The following SLC7A11 variants were observed in gnomAD, a reference collection of about 807,000 sequenced individuals.
SLC7A11 encodes solute carrier family 7 member 11.
SLC7A11 carries 35 observed loss-of-function variants against 54.5 expected under a neutral mutation model. That is an observed-to-expected ratio of 0.64 (90% confidence interval 0.49 to 0.85). The LOEUF is 0.85. SLC7A11 is among the 40% of genes least tolerant of loss of function. The pLI is 0.00. For synonymous variants in SLC7A11, 230 were observed against 225.2 expected, an observed-to-expected ratio of 1.02 and a Z score of -0.19; for missense variants, 583 against 618.1, an observed-to-expected ratio of 0.94 and a Z score of 0.60.
At chr4:138,203,089 A>T (rs1488243416) in intron 6 of SLC7A11, among the ~76,000 whole-genome samples, 1 of 152,136 alleles carries the variant, frequency 6.6e-6, no homozygotes, top group African/African-American at 2.4e-5. Flanking sequence ...GACTTCCTTT[A>T]CCTTAAAAGT....
intron 6 of SLC7A11, among the ~76,000 whole-genome samples, chr4:138,191,823 T>G (rs4863769): frequency 0.37 from 55,713 of 151,606 alleles, 10,651 homozygotes; most frequent in Middle Eastern, 0.51. Context: ...GACTTAGAGT[T>G]TGTCTTCCAG....
At chr4:138,220,992 A>G (rs563576288) in intron 4 of SLC7A11, among the ~76,000 whole-genome samples, 6 of 152,310 alleles carry the variant, frequency 3.9e-5, no homozygotes, top group African/African-American at 1.4e-4. Context: ...AGAAATGCCC[A>G]TTTTACTAAA....
Position 138,170,811 on chromosome 4 carries a change from C to T in SLC7A11, c.*1145G>A, listed in dbSNP as rs1046796681. The T allele has an allele frequency of 5.3e-5, 8 of 152,164 alleles. No homozygotes were observed. The highest frequency in any genetic ancestry group is 1.7e-4 in the African/African-American group (7 of 41,532). The allele number at this position is 152,164 out of a possible 1,614,324, so 9.4% of individuals were successfully genotyped here. A position where few individuals can be genotyped will look rare whatever the true frequency, so the allele number is the denominator to read the frequency against. ...CATCAGTTGTAAATCTTATTTACAG[C>T]GACATTTCTTTTGCAATTTTTATGT... On this transcript the variant is annotated 3_prime_UTR_variant, in exon 12 of 12. Transcript: ENST00000280612.
intron 11 of SLC7A11, chr4:138,176,069 G>A (rs1736563759): frequency 6.6e-6 from 1 of 152,192 alleles, no homozygotes. Flanking sequence ...GGGACAGGGC[G>A]CTGCTTCAGG....
At chr4:138,192,487 T>C (rs7687893) in intron 6 of SLC7A11, among the ~76,000 whole-genome samples, 54,072 of 151,968 alleles carry the variant, frequency 0.36, 10,307 homozygotes, top group Middle Eastern at 0.52. Context: ...AAATAAACTT[T>C]TGATTGTTTA....
intron 2 of SLC7A11, among the ~76,000 whole-genome samples, chr4:138,234,693 AAT>A (rs1487005466): frequency 6.6e-6 from 1 of 152,220 alleles, no homozygotes; most frequent in African/African-American, 2.4e-5. Context: ...TAAATAAATT[AAT>A]ATATGAATAT....
rs1560711739 is a variant in SLC7A11 at position 138,167,174 on chromosome 4, A to G, written c.*4782T>C. The G allele has an allele frequency of 7.4e-6, 1 of 135,224 alleles. No individual in the cohort carries two copies. The highest frequency in any genetic ancestry group is 2.4e-4 in the South Asian group (1 of 4,182). 8.4% of individuals were successfully genotyped at this position (135,224 alleles called of 1,614,324 possible). On this transcript the variant is annotated 3_prime_UTR_variant, in exon 12 of 12. Transcript: ENST00000280612. ...TTTTTTTTTTTTTTTTTTGAGATGA[A>G]GTCTCGCGCTCTTGTCCCCTAGGCT...
intron 6 of SLC7A11, among the ~76,000 whole-genome samples, chr4:138,193,451 A>G (rs1320311406): frequency 6.6e-6 from 1 of 152,130 alleles, no homozygotes; most frequent in African/African-American, 2.4e-5. Flanking sequence ...TAGATGCTCA[A>G]AGTCATGTCT....
intron 3 of SLC7A11, among the ~76,000 whole-genome samples, chr4:138,223,903 C>A (rs557887999): frequency 2.4e-4 from 37 of 152,252 alleles, no homozygotes; most frequent in Non-Finnish European, 4.9e-4. Context: ...TATAGTTTTT[C>A]AAGATATGTT....
At chr4:138,187,769 T>C (rs1371814068) in intron 6 of SLC7A11, among the ~76,000 whole-genome samples, 2 of 152,196 alleles carry the variant, frequency 1.3e-5, no homozygotes, top group African/African-American at 4.8e-5. Flanking sequence ...AAGTGAATGT[T>C]TTCAAATCGT....
chr4:138,207,227 C>A (rs1737431286), intron 6 of SLC7A11, among the ~76,000 whole-genome samples: 3 of 151,950 alleles, frequency 2.0e-5, no homozygotes, highest in South Asian at 4.2e-4. Context: ...TGGAAATATT[C>A]TTTAAAGTAA....
intron 11 of SLC7A11, among the ~76,000 whole-genome samples, chr4:138,178,607 T>C (rs1177269979): frequency 6.6e-6 from 1 of 152,124 alleles, no homozygotes. Context: ...CCATAGCACA[T>C]GTATACCTAT....
At chr4:138,208,356 C>T (rs551887892) in intron 6 of SLC7A11, among the ~76,000 whole-genome samples, 1 of 152,152 alleles carries the variant, frequency 6.6e-6, no homozygotes, top group African/African-American at 2.4e-5. Context: ...GGCTAATAGA[C>T]AAAGTGGCTA....
intron 3 of SLC7A11, among the ~76,000 whole-genome samples, chr4:138,230,132 G>A (rs1331823192): frequency 6.6e-6 from 1 of 152,112 alleles, no homozygotes; most frequent in East Asian, 1.9e-4. Flanking sequence ...AGAGCTAGAG[G>A]CCATTATCCT....
At chr4:138,226,192 T>A (rs1737944150) in intron 3 of SLC7A11, among the ~76,000 whole-genome samples, 1 of 152,126 alleles carries the variant, frequency 6.6e-6, no homozygotes, top group Non-Finnish European at 1.5e-5. Flanking sequence ...GCTAGTACAC[T>A]GCTGGTGGGA....
chr4:138,236,891 C>A (rs1031375215), intron 1 of SLC7A11, among the ~76,000 whole-genome samples: 12 of 151,756 alleles, frequency 7.9e-5, no homozygotes, highest in Admixed American at 5.9e-4. Context: ...TTTTGAGAAC[C>A]CTTTTAATAA....
At chr4:138,204,783 G>C (rs1010212024) in intron 6 of SLC7A11, among the ~76,000 whole-genome samples, 8 of 151,764 alleles carry the variant, frequency 5.3e-5, no homozygotes, top group Admixed American at 3.9e-4. Flanking sequence ...TGAGCATATT[G>C]TCACCTGAGG....
chr4:138,181,352 G>A lies in SLC7A11; in HGVS notation c.1117-562C>T, dbSNP rs1736737363. ...CTCTCCTGGTGTGCTTGCCGTGTGTGACCCTCAAGACCACGGAGAAGAATG... is the reference window on the plus strand; with the variant it reads ...CTCTCCTGGTGTGCTTGCCGTGTGTAACCCTCAAGACCACGGAGAAGAATG... On this transcript the variant is annotated intron_variant, in intron 9 of 11. Coordinates refer to ENST00000280612, the MANE Select transcript of SLC7A11 (RefSeq NM_014331.4). Among the ~76,000 whole-genome samples, 10 of 152,060 alleles carry A rather than the reference G, an allele frequency of 6.6e-5. 2 individuals are homozygous for A. The South Asian group carries it at 2.1e-3, about 32-fold the overall frequency.
chr4:138,184,073 A>G lies in SLC7A11; in HGVS notation c.916-768T>C, dbSNP rs183487011. Among the ~76,000 whole-genome samples the G allele has an allele frequency of 1.3e-4, 20 of 152,308 alleles. No homozygotes were observed. The East Asian group carries it at 3.9e-3, about 29-fold the overall frequency. On this transcript the variant is annotated intron_variant, in intron 7 of 11. Transcript: ENST00000280612. Reference sequence around the variant, plus strand: ...AAAAAGAAAATGTGTTGGATTCATTAGTTGTCCTTGATGCAGCTGGTGCTA... The same window carrying G: ...AAAAAGAAAATGTGTTGGATTCATTGGTTGTCCTTGATGCAGCTGGTGCTA...
Sources: allele counts gnomAD v4.1 joint callset (sites outside exome capture counted in the v4.1 genomes callset), GRCh38; gene constraint gnomAD v4.1.1; transcripts MANE v1.5; gene names NCBI Gene and HGNC (gene_info 2026-07-23, HGNC 2026-07-21).